Variants in ADCY2 observed in about 807,000 individuals in gnomAD.
ADCY2 encodes adenylate cyclase type 2.
A neutral mutation model predicts 125.2 loss-of-function variants in ADCY2; 31 were observed. That is an observed-to-expected ratio of 0.25 (90% CI 0.19 to 0.33). The LOEUF (loss-of-function observed/expected upper bound fraction) is 0.33. Ranked by LOEUF, ADCY2 falls within the 10% of genes least tolerant of loss-of-function variation. The probability of loss-of-function intolerance (pLI) is 1.00; values close to 1 mark genes in which losing one functional copy is unlikely to be tolerated. For synonymous variants in ADCY2, 512 were observed against 548.4 expected (o/e 0.93, Z 0.93); for missense variants, 904 against 1,418.2 (o/e 0.64, Z 5.82).
At chr5:7,811,797 C>T (rs930770360) in intron 22 of ADCY2, among the ~76,000 whole-genome samples, 6 of 152,142 alleles carry the variant, frequency 3.9e-5, no homozygotes, top group Non-Finnish European at 7.3e-5. Flanking sequence ...CTACCCTCAC[C>T]CTCCTAGTCT....
chr5:7,746,556 G>A (rs1489966718), intron 15 of ADCY2, among the ~76,000 whole-genome samples: 1 of 152,158 alleles, frequency 6.6e-6, no homozygotes, highest in East Asian at 1.9e-4. Context: ...CAGTGGTCGT[G>A]GAGAAACATT....
intron 3 of ADCY2, among the ~76,000 whole-genome samples, chr5:7,591,082 C>T (rs1056340176): frequency 3.9e-5 from 6 of 152,106 alleles, no homozygotes; most frequent in East Asian, 1.9e-4. Flanking sequence ...AAATTGCTCA[C>T]GTGATTACTG....
chr5:7,443,067 C>T (rs993358434), intron 2 of ADCY2, among the ~76,000 whole-genome samples: 4 of 152,136 alleles, frequency 2.6e-5, no homozygotes, highest in African/African-American at 9.7e-5. Flanking sequence ...TTTTGGATTT[C>T]TGCACAACAA....
At chr5:7,510,602 A>G (rs1744017964) in intron 2 of ADCY2, among the ~76,000 whole-genome samples, 1 of 152,210 alleles carries the variant, frequency 6.6e-6, no homozygotes. Flanking sequence ...CACAAAATCA[A>G]ATAGGATGCA....
intron 16 of ADCY2, among the ~76,000 whole-genome samples, chr5:7,763,680 C>T (rs2126469710): frequency 6.6e-6 from 1 of 152,276 alleles, no homozygotes; most frequent in African/African-American, 2.4e-5. Context: ...AATATCTGTC[C>T]CTCTGTGTCT....
At chr5:7,687,820 A>G (rs1740565946) in intron 4 of ADCY2, among the ~76,000 whole-genome samples, 1 of 152,166 alleles carries the variant, frequency 6.6e-6, no homozygotes, top group African/African-American at 2.4e-5. Flanking sequence ...GGGAAAGTTG[A>G]CTGATTGTTT....
chr5:7,807,972 G>A (rs1158298539), intron 22 of ADCY2, among the ~76,000 whole-genome samples: 1 of 152,198 alleles, frequency 6.6e-6, no homozygotes, highest in African/African-American at 2.4e-5. Flanking sequence ...TCCAGGGACA[G>A]CCTCAAGCCT....
intron 11 of ADCY2, among the ~76,000 whole-genome samples, chr5:7,715,100 A>G (rs1353535928): frequency 6.6e-6 from 1 of 152,204 alleles, no homozygotes; most frequent in Non-Finnish European, 1.5e-5. Flanking sequence ...TGGGGAGATC[A>G]TCAGCCCCAG....
intron 2 of ADCY2, among the ~76,000 whole-genome samples, chr5:7,488,251 G>A (rs370820831): frequency 3.3e-5 from 5 of 152,042 alleles, no homozygotes; most frequent in Non-Finnish European, 5.9e-5. Flanking sequence ...CTCTCTTGCC[G>A]GCCACCATGT....
chr5:7,768,900 G>A (rs1319283257), intron 17 of ADCY2, among the ~76,000 whole-genome samples: 2 of 152,166 alleles, frequency 1.3e-5, no homozygotes, highest in Non-Finnish European at 1.5e-5. Flanking sequence ...GAACTCACGG[G>A]TTTAGCAGTC....
chr5:7,725,265 G>A (rs987421940), intron 13 of ADCY2, among the ~76,000 whole-genome samples: 1 of 152,106 alleles, frequency 6.6e-6, no homozygotes, highest in Non-Finnish European at 1.5e-5. Flanking sequence ...ATCTGGAGAA[G>A]GAACCAGACT....
chr5:7,575,965 T>C (rs879332105), intron 3 of ADCY2, among the ~76,000 whole-genome samples: 22 of 152,194 alleles, frequency 1.4e-4, no homozygotes, highest in Non-Finnish European at 2.6e-4. Flanking sequence ...CTGTGTATTT[T>C]TGGCAACTGG....
chr5:7,781,472 G>A (rs1023369222), intron 18 of ADCY2, among the ~76,000 whole-genome samples: 3 of 152,170 alleles, frequency 2.0e-5, no homozygotes, highest in Non-Finnish European at 4.4e-5. Context: ...CAGACACACA[G>A]GAATGCCACG....
At chr5:7,599,527 G>T (rs1264336338) in intron 3 of ADCY2, among the ~76,000 whole-genome samples, 3 of 152,144 alleles carry the variant, frequency 2.0e-5, no homozygotes, top group Non-Finnish European at 4.4e-5. Flanking sequence ...TCTAGAATGT[G>T]CGTGAGGCCA....
At chr5:7,564,244 T>C (rs948221436) in intron 3 of ADCY2, among the ~76,000 whole-genome samples, 3 of 152,210 alleles carry the variant, frequency 2.0e-5, no homozygotes, top group African/African-American at 7.2e-5. Flanking sequence ...TGAGCCACCA[T>C]AGCCATGAAG....
chr5:7,525,334 A>G (rs574466143), intron 3 of ADCY2, among the ~76,000 whole-genome samples: 1 of 151,918 alleles, frequency 6.6e-6, no homozygotes, highest in African/African-American at 2.4e-5. Context: ...TGATGTCCAC[A>G]TTGTCTCTGG....
intron 17 of ADCY2, 26 bp from the exon 18 acceptor site, chr5:7,772,902 GTATC>G (rs772033802): frequency 1.2e-6 from 2 of 1,606,604 alleles, no homozygotes; most frequent in Admixed American, 1.7e-5. Flanking sequence ...GAGATCCTAA[GTATC>G]TGTCTGGTGT....
chr5:7,803,780 A>T (rs1394078092), intron 21 of ADCY2, among the ~76,000 whole-genome samples: 1 of 151,956 alleles, frequency 6.6e-6, no homozygotes, highest in Non-Finnish European at 1.5e-5. Flanking sequence ...TATGCCTGTG[A>T]TCTCAGCCTC....
At chr5:7,698,465 T>C in intron 7 of ADCY2, 91 bp downstream of exon 7, 7 of 1,366,376 alleles carry the variant, frequency 5.1e-6, no homozygotes, top group Non-Finnish European at 6.2e-6. Context: ...TAGGTATACA[T>C]GTACTGTGTT....
Sources: allele counts gnomAD v4.1 joint callset (sites outside exome capture counted in the v4.1 genomes callset), GRCh38; gene constraint gnomAD v4.1.1; transcripts MANE v1.5; gene names NCBI Gene and HGNC (gene_info 2026-07-23, HGNC 2026-07-21).